Variants in CSMD1 observed in about 807,000 individuals in gnomAD.
CSMD1 encodes CUB and Sushi multiple domains 1, also known as CUB and sushi domain-containing protein 1.
CSMD1 carries 213 observed loss-of-function variants against 417.5 expected under a neutral mutation model. The ratio of observed to expected loss-of-function variants is 0.51; its 90% CI spans 0.46 to 0.57. CSMD1 has a LOEUF of 0.57. CSMD1 is among the 20% of genes least tolerant of loss of function. CSMD1 has a pLI of 0.00. For synonymous variants in CSMD1, 2,862 were observed against 1,736.8 expected (o/e 1.65, Z -16.11); for missense variants, 6,923 against 4,529.7 (o/e 1.53, Z -15.17).
intron 3 of CSMD1, among the ~76,000 whole-genome samples, chr8:4,062,849 G>A (rs748716412): frequency 6.6e-6 from 1 of 151,412 alleles, no homozygotes; most frequent in Non-Finnish European, 1.5e-5. Context: ...AACCCTACCA[G>A]CCAAGAGAAA....
At chr8:3,408,904 T>C (rs1812514232) in intron 13 of CSMD1, among the ~76,000 whole-genome samples, 1 of 152,202 alleles carries the variant, frequency 6.6e-6, no homozygotes, top group Admixed American at 6.5e-5. Flanking sequence ...GCCTTTGCTA[T>C]AGTTATTTAC....
At chr8:3,042,538 C>T (rs1397576098) in intron 50 of CSMD1, among the ~76,000 whole-genome samples, 2 of 152,130 alleles carry the variant, frequency 1.3e-5, no homozygotes, top group African/African-American at 4.8e-5. Context: ...CGAAGCACAG[C>T]TGAAAGCGGG....
chr8:3,600,586 T>C (rs1470112329), intron 8 of CSMD1, among the ~76,000 whole-genome samples: 1 of 152,108 alleles, frequency 6.6e-6, no homozygotes, highest in African/African-American at 2.4e-5. Flanking sequence ...GCCAGTATAT[T>C]CTCTACGATG....
In CSMD1 at chr8:3,000,352, T is replaced by C. The variant is rs1387398505; in HGVS notation, c.8030-221A>G. Among the ~76,000 whole-genome samples the C allele has an allele frequency of 5.3e-5, 8 of 151,792 alleles. No individual in the cohort carries two copies. The East Asian group carries it at 7.8e-4, about 15-fold the overall frequency. ...AATAAGTAATATTTCTAATATGAAA[T>C]GGTTTGTATTTTCCTAGTTGTGATT... On this transcript the variant is annotated intron_variant, in intron 52 of 69. Transcript: ENST00000635120.
Position 3,204,942 on chromosome 8 carries a change from G to A in CSMD1, c.4984+562C>T, listed in dbSNP as rs542006352. Among the ~76,000 whole-genome samples, 5 of 152,308 alleles carry A rather than the reference G, an allele frequency of 3.3e-5. No homozygotes were observed. The East Asian group carries it at 9.7e-4, about 29-fold the overall frequency. The stretch of plus-strand genomic sequence containing the variant: ...AGAGCGACCAGGGAAGGCCCTTCTG[G>A]AAATGAAGTCATTTTGGAAAATTAG... On this transcript the variant is annotated intron_variant, in intron 31 of 69. Coordinates refer to ENST00000635120, the MANE Select transcript of CSMD1 (RefSeq NM_033225.6).
At chr8:3,744,015 A>G (rs552008054) in intron 6 of CSMD1, among the ~76,000 whole-genome samples, 4 of 152,226 alleles carry the variant, frequency 2.6e-5, no homozygotes, top group South Asian at 4.1e-4. Context: ...GTATTTCTCA[A>G]TATCCTGCCC....
intron 10 of CSMD1, among the ~76,000 whole-genome samples, chr8:3,568,760 C>T (rs1222066731): frequency 6.6e-6 from 1 of 151,858 alleles, no homozygotes; most frequent in East Asian, 1.9e-4. Flanking sequence ...TGCATGCATA[C>T]ATTTATACCT....
chr8:3,604,895 G>C (rs565931152), intron 8 of CSMD1, among the ~76,000 whole-genome samples: 1 of 152,202 alleles, frequency 6.6e-6, no homozygotes, highest in Admixed American at 6.5e-5. Flanking sequence ...ACCTGCTTTT[G>C]GGCTTGGGCT....
chr8:3,536,230 A>G (rs990754709), intron 10 of CSMD1, among the ~76,000 whole-genome samples: 3 of 152,244 alleles, frequency 2.0e-5, no homozygotes, highest in African/African-American at 7.2e-5. Flanking sequence ...CGAAGCATCA[A>G]TATTAATTTA....
At chr8:4,604,507 G>A (rs1048331962) in intron 2 of CSMD1, among the ~76,000 whole-genome samples, 2 of 151,888 alleles carry the variant, frequency 1.3e-5, no homozygotes, top group Non-Finnish European at 2.9e-5. Flanking sequence ...ATTAGCTTCT[G>A]ACTTGATTAT....
intron 12 of CSMD1, among the ~76,000 whole-genome samples, chr8:3,433,437 A>C (rs1312951704): frequency 5.3e-5 from 8 of 151,996 alleles, no homozygotes; most frequent in African/African-American, 1.9e-4. Context: ...TCCTAAATTA[A>C]ATATTTTATT....
chr8:3,869,695 C>T (rs997953739), intron 5 of CSMD1, among the ~76,000 whole-genome samples: 1 of 152,076 alleles, frequency 6.6e-6, no homozygotes, highest in African/African-American at 2.4e-5. Flanking sequence ...TGCGCGCAGC[C>T]AGGAGCATGT....
At chr8:4,779,867 C>G (rs1048006692) in intron 1 of CSMD1, among the ~76,000 whole-genome samples, 1 of 152,132 alleles carries the variant, frequency 6.6e-6, no homozygotes, top group African/African-American at 2.4e-5. Context: ...AGCAACTGCT[C>G]CCCAGGCTTG....
At chr8:3,927,992 G>C (rs995243440) in intron 5 of CSMD1, among the ~76,000 whole-genome samples, 3 of 152,068 alleles carry the variant, frequency 2.0e-5, no homozygotes, top group African/African-American at 7.2e-5. Flanking sequence ...TGAAGAATAT[G>C]ATGGTTTTAA....
In CSMD1 at chr8:3,066,928, T is replaced by C. The variant is rs561267313; in HGVS notation, c.7475-14281A>G. 8.9e-4 allele frequency among the ~76,000 whole-genome samples: 135 copies of C among 152,292 alleles called. 1 individual carries two copies. The highest frequency in any genetic ancestry group is 2.0e-3 in the Admixed American group (30 of 15,298). On this transcript the variant is annotated intron_variant, in intron 49 of 69. Coordinates refer to ENST00000635120, the MANE Select transcript of CSMD1 (RefSeq NM_033225.6). ...TTTGATCAGGCTAAGTAGGAGCTTCTAGTTAAGAGAAGTTGATGGGTGTAA... is the reference window on the plus strand; with the variant it reads ...TTTGATCAGGCTAAGTAGGAGCTTCCAGTTAAGAGAAGTTGATGGGTGTAA...
At chr8:4,125,159 C>CA (rs1802691087) in intron 3 of CSMD1, among the ~76,000 whole-genome samples, 2 of 151,958 alleles carry the variant, frequency 1.3e-5, no homozygotes, top group Admixed American at 6.5e-5. Flanking sequence ...CTTCTTGTCT[C>CA]AAAAGGAAGA....
chr8:4,350,602 C>G (rs1229377788), intron 3 of CSMD1, among the ~76,000 whole-genome samples: 1 of 152,106 alleles, frequency 6.6e-6, no homozygotes, highest in Non-Finnish European at 1.5e-5. Context: ...TGAGAAAAAG[C>G]AGAACAAAAC....
chr8:3,296,864 G>C (rs911168399), intron 25 of CSMD1, among the ~76,000 whole-genome samples: 1 of 152,186 alleles, frequency 6.6e-6, no homozygotes, highest in Non-Finnish European at 1.5e-5. Context: ...TTGAGTTTAA[G>C]TTGTCAACTA....
chr8:4,454,941 C>T (rs753680639), intron 2 of CSMD1, among the ~76,000 whole-genome samples: 9 of 152,192 alleles, frequency 5.9e-5, no homozygotes, highest in Non-Finnish European at 8.8e-5. Flanking sequence ...AGACTCATGA[C>T]GCTTCTGTAC....
Sources: gnomAD v4.1 joint callset for allele counts (sites outside exome capture counted in the v4.1 genomes callset) on GRCh38, gnomAD v4.1.1 for gene constraint, MANE v1.5 for transcripts, NCBI Gene and HGNC (gene_info 2026-07-23, HGNC 2026-07-21) for gene names.